Variants in SDK1 observed in about 807,000 individuals in gnomAD.
The protein encoded by SDK1 is sidekick cell adhesion molecule 1.
A neutral mutation model predicts 245.5 loss-of-function variants in SDK1; 157 were observed. The observed-to-expected ratio is 0.64, with a 90% CI of 0.56 to 0.73. The LOEUF is 0.73. SDK1 is among the 30% of genes least tolerant of loss of function. SDK1 has a pLI of 0.00. For missense variants in SDK1, 3,583 were observed against 3,002.3 expected, an observed-to-expected ratio of 1.19 and a Z score of -4.52; for synonymous variants, 1,647 against 1,278.5, an observed-to-expected ratio of 1.29 and a Z score of -6.15.
intron 5 of SDK1, among the ~76,000 whole-genome samples, chr7:3,940,096 G>GA (rs1290887442): frequency 6.6e-6 from 1 of 152,104 alleles, no homozygotes; most frequent in Admixed American, 6.6e-5. Flanking sequence ...CTGACCTACA[G>GA]AACTTCTCAT....
At chr7:3,578,632 T>C (rs1240954676) in intron 1 of SDK1, among the ~76,000 whole-genome samples, 1 of 151,882 alleles carries the variant, frequency 6.6e-6, no homozygotes, top group Non-Finnish European at 1.5e-5. Flanking sequence ...CCCCCAGGAA[T>C]GCAATTCTTA....
chr7:3,919,801 C>T (rs149371781), intron 5 of SDK1, among the ~76,000 whole-genome samples: 362 of 152,224 alleles, frequency 2.4e-3, no homozygotes, highest in Non-Finnish European at 4.1e-3. Flanking sequence ...TCAGAGGCTG[C>T]GTGAGACACC....
chr7:3,927,179 G>A (rs1779802404), intron 5 of SDK1, among the ~76,000 whole-genome samples: 1 of 152,108 alleles, frequency 6.6e-6, no homozygotes, highest in South Asian at 2.1e-4. Flanking sequence ...CAGGTCTGAC[G>A]TCATCACACT....
Position 3,533,251 on chromosome 7 carries a change from TGTG to T in SDK1, c.299-85825_299-85823del, listed in dbSNP as rs1430325359. Among the ~76,000 whole-genome samples the T allele has an allele frequency of 5.9e-5, 9 of 152,242 alleles. No individual in the cohort carries two copies. In the East Asian group the frequency reaches 9.7e-4, roughly 16 times the overall value. ...TCTGATTAGAATCCTATTTCCAACA[TGTG>T]GTGATGCTAAGTAAACAGTACTGAC... On this transcript the variant is annotated intron_variant, in intron 1 of 44. Transcript: ENST00000404826.
chr7:4,258,439 T>C (rs1473763052), intron 44 of SDK1, among the ~76,000 whole-genome samples: 2 of 152,222 alleles, frequency 1.3e-5, no homozygotes, highest in Non-Finnish European at 2.9e-5. Flanking sequence ...GCCCTCCCAC[T>C]GAAATTGCTG....
At chr7:4,161,882 T>C in intron 32 of SDK1, 26 bp downstream of exon 32, 1 of 1,596,768 alleles carries the variant, frequency 6.3e-7, no homozygotes, top group Non-Finnish European at 8.6e-7. Context: ...ATCACGCGCG[T>C]TTTGTCAAAT....
chr7:3,473,680 T>A (rs372598830), intron 1 of SDK1, among the ~76,000 whole-genome samples: 93 of 151,940 alleles, frequency 6.1e-4, no homozygotes, highest in African/African-American at 2.0e-3. Flanking sequence ...TTGAATTATT[T>A]TTTTTTTTCC....
At chr7:3,587,274 A>C (rs962942336) in intron 1 of SDK1, among the ~76,000 whole-genome samples, 1 of 151,134 alleles carries the variant, frequency 6.6e-6, no homozygotes, top group Non-Finnish European at 1.5e-5. Flanking sequence ...TGTTTGTATT[A>C]GTCAAGATTC....
chr7:4,242,341 A>C (rs957842085), intron 43 of SDK1, among the ~76,000 whole-genome samples: 1 of 152,080 alleles, frequency 6.6e-6, no homozygotes, highest in East Asian at 1.9e-4. Flanking sequence ...TGTATTCCAA[A>C]GTTTTCCTGT....
chr7:3,411,591 C>A (rs1043271192), intron 1 of SDK1, among the ~76,000 whole-genome samples: 1 of 152,116 alleles, frequency 6.6e-6, no homozygotes, highest in Non-Finnish European at 1.5e-5. Context: ...ATCTGTGATA[C>A]TTCCCAGCAA....
At chr7:3,585,020 A>G (rs550540755) in intron 1 of SDK1, among the ~76,000 whole-genome samples, 148 of 152,216 alleles carry the variant, frequency 9.7e-4, no homozygotes, top group Non-Finnish European at 1.7e-3. Context: ...CACCGCGCCC[A>G]GCCAACTTCA....
intron 6 of SDK1, 44 bp from the exon 7 acceptor site, chr7:3,951,686 C>A (rs891607332): frequency 6.3e-7 from 1 of 1,577,346 alleles, no homozygotes; most frequent in Non-Finnish European, 8.7e-7. Flanking sequence ...GTTGCCACCT[C>A]CCTGAGTCAC....
chr7:3,495,606 A>G (rs1400369239), intron 1 of SDK1, among the ~76,000 whole-genome samples: 1 of 152,198 alleles, frequency 6.6e-6, no homozygotes, highest in East Asian at 1.9e-4. Flanking sequence ...TCTTTGCAAC[A>G]TTGATGAAAT....
At chr7:3,477,840 C>T (rs887417140) in intron 1 of SDK1, among the ~76,000 whole-genome samples, 4 of 152,020 alleles carry the variant, frequency 2.6e-5, no homozygotes, top group Non-Finnish European at 4.4e-5. Flanking sequence ...ATATATAAAA[C>T]GTATCATGAG....
At chr7:3,981,682 C>T (rs574840883) in intron 13 of SDK1, among the ~76,000 whole-genome samples, 4 of 152,260 alleles carry the variant, frequency 2.6e-5, no homozygotes, top group East Asian at 1.9e-4. Context: ...TCAAACCAGC[C>T]TCAACATTCC....
intron 1 of SDK1, among the ~76,000 whole-genome samples, chr7:3,458,645 G>A (rs1441365072): frequency 6.6e-6 from 1 of 152,038 alleles, no homozygotes; most frequent in Non-Finnish European, 1.5e-5. Context: ...CAGAGTAGGA[G>A]GTAGATAGAG....
intron 1 of SDK1, among the ~76,000 whole-genome samples, chr7:3,495,292 C>T (rs1265102898): frequency 7.3e-6 from 1 of 136,570 alleles, no homozygotes; most frequent in African/African-American, 2.8e-5. Flanking sequence ...GAGTCTCGCT[C>T]TGCCACCCAG....
At chr7:4,082,232 A>G (rs758005336) in intron 22 of SDK1, among the ~76,000 whole-genome samples, 70 of 152,018 alleles carry the variant, frequency 4.6e-4, no homozygotes, top group Non-Finnish European at 9.3e-4. Flanking sequence ...GCTTGCCTGT[A>G]TGTCTTACTT....
chr7:3,559,647 A>C (rs377551040), intron 1 of SDK1, among the ~76,000 whole-genome samples: 6 of 151,948 alleles, frequency 3.9e-5, no homozygotes, highest in African/African-American at 1.4e-4. Flanking sequence ...AGTAGTGTTG[A>C]CACAACTCAC....
Sources: allele counts gnomAD v4.1 joint callset (sites outside exome capture counted in the v4.1 genomes callset), GRCh38; gene constraint gnomAD v4.1.1; transcripts MANE v1.5; gene names NCBI Gene and HGNC (gene_info 2026-07-23, HGNC 2026-07-21).